RNF150: variants seen among roughly 807,000 people sequenced by gnomAD.
RNF150 encodes the protein ring finger protein 150.
A neutral mutation model predicts 39.3 loss-of-function variants in RNF150; 24 were observed. The observed-to-expected ratio is 0.61, with a 90% CI of 0.44 to 0.86. The LOEUF (loss-of-function observed/expected upper bound fraction) is 0.86, where lower values mean the gene tolerates loss of function less well. Among genes scored for constraint, RNF150 ranks in the 40% least tolerant of loss-of-function variants. The pLI is 0.00. For synonymous variants in RNF150, 255 were observed against 227.3 expected (o/e 1.12, Z -1.10); for missense variants, 502 against 587.8 (o/e 0.85, Z 1.51).
chr4:141,144,712 T>G lies in RNF150; in HGVS notation c.-6+68082A>C, dbSNP rs371764210. Among the ~76,000 whole-genome samples the G allele has an allele frequency of 1.2e-3, 185 of 152,258 alleles. 1 individual carries two copies. Among genetic ancestry groups the G allele is most frequent in the African/African-American group, 4.1e-3 (171 of 41,560 alleles). ...TCAGAGGAAATGTAGGAAAAAATCCTTACTTTGGAAAATATTTTCTATAGG... is the reference window on the plus strand; with the variant it reads ...TCAGAGGAAATGTAGGAAAAAATCCGTACTTTGGAAAATATTTTCTATAGG... On this transcript the variant is annotated intron_variant, in intron 1 of 7. Coordinates refer to the RNF150 transcript ENST00000420921.
intron 1 of RNF150, among the ~76,000 whole-genome samples, chr4:141,105,517 G>A (rs970187112): frequency 8.5e-5 from 13 of 152,112 alleles, no homozygotes; most frequent in African/African-American, 3.1e-4. Context: ...TCTCCCAAAT[G>A]CTCTCCCCTG....
At chr4:141,090,677 T>C (rs142245778) in intron 1 of RNF150, among the ~76,000 whole-genome samples, 1 of 152,070 alleles carries the variant, frequency 6.6e-6, no homozygotes, top group Non-Finnish European at 1.5e-5. Flanking sequence ...GGCTACAGGG[T>C]CTATAAATGT....
chr4:140,947,105 T>A (rs1341319820), intron 4 of RNF150, among the ~76,000 whole-genome samples: 2 of 151,996 alleles, frequency 1.3e-5, no homozygotes, highest in Admixed American at 1.3e-4. Context: ...TATACATGCC[T>A]GGCATCCTCC....
chr4:141,080,401 G>A (rs965669440), intron 1 of RNF150, among the ~76,000 whole-genome samples: 1 of 152,170 alleles, frequency 6.6e-6, no homozygotes, highest in African/African-American at 2.4e-5. Context: ...TCTAGTCACT[G>A]TGTCTTCCTC....
intron 6 of RNF150, among the ~76,000 whole-genome samples, chr4:140,891,391 C>T (rs1364510437): frequency 6.6e-6 from 1 of 152,130 alleles, no homozygotes; most frequent in African/African-American, 2.4e-5. Context: ...TTTCACGGTG[C>T]TCCATGAAGT....
At chr4:141,075,468 T>G (rs561731432) in intron 1 of RNF150, among the ~76,000 whole-genome samples, 132 of 152,378 alleles carry the variant, frequency 8.7e-4, no homozygotes, top group African/African-American at 2.9e-3. Context: ...TCCATTGTTA[T>G]GTTTACTAAT....
intron 1 of RNF150, among the ~76,000 whole-genome samples, chr4:141,207,613 TC>T (rs11362129): frequency 0.049 from 7,401 of 152,148 alleles, 599 homozygotes; most frequent in African/African-American, 0.17. Flanking sequence ...CTCCACGACA[TC>T]CAATCAGGAA....
At chr4:141,207,187 T>C (rs1464476477) in intron 1 of RNF150, among the ~76,000 whole-genome samples, 1 of 152,164 alleles carries the variant, frequency 6.6e-6, no homozygotes, top group East Asian at 1.9e-4. Context: ...ACCAGTTATC[T>C]AGGCATCCTT....
At chr4:141,032,399 T>C (rs946675361) in intron 1 of RNF150, among the ~76,000 whole-genome samples, 3 of 152,106 alleles carry the variant, frequency 2.0e-5, no homozygotes, top group African/African-American at 7.2e-5. Context: ...CTGTATTGTG[T>C]ACTTGAAATC....
At chr4:140,906,001 C>T (rs2059497) in intron 6 of RNF150, among the ~76,000 whole-genome samples, 95,721 of 151,928 alleles carry the variant, frequency 0.63, 32,274 homozygotes, top group Non-Finnish European at 0.76. Context: ...TAAGCAAGAG[C>T]GACCCATCTG....
At chr4:140,903,346 T>C (rs2278138) in intron 6 of RNF150, among the ~76,000 whole-genome samples, 60,828 of 152,068 alleles carry the variant, frequency 0.4, 13,684 homozygotes, top group African/African-American at 0.6. Context: ...CCTCAGACTC[T>C]GAATTTCCAA....
At chr4:140,925,627 G>A (rs10004141) in intron 5 of RNF150, among the ~76,000 whole-genome samples, 83,807 of 151,970 alleles carry the variant, frequency 0.55, 23,602 homozygotes, top group East Asian at 0.89. Context: ...AAACAAGGGT[G>A]ATGATGATGC....
rs1727918510 is a variant in RNF150 at position 141,182,145 on chromosome 4, A to C, written c.-6+30649T>G. Among the ~76,000 whole-genome samples the C allele has an allele frequency of 7.4e-5, 11 of 148,038 alleles. No homozygotes were observed. The Admixed American group carries it at 7.6e-4, about 10-fold the overall frequency. ...AATTCAACAACCCTTCATGCTAAAAACTCTCAATAAATTAGATATTGATGG... is the reference window on the plus strand; with the variant it reads ...AATTCAACAACCCTTCATGCTAAAACCTCTCAATAAATTAGATATTGATGG... On this transcript the variant is annotated intron_variant, in intron 1 of 7. Transcript: ENST00000420921.
chr4:141,000,082 AGAAGGAG>A (rs1734600655), intron 1 of RNF150, among the ~76,000 whole-genome samples: 1 of 73,668 alleles, frequency 1.4e-5, no homozygotes. Context: ...AAGAAGAAGA[AGAAGGAG>A]AAGAAGAAGA....
intron 1 of RNF150, among the ~76,000 whole-genome samples, chr4:141,203,167 T>C (rs1166122161): frequency 2.1e-5 from 2 of 97,520 alleles, no homozygotes; most frequent in Non-Finnish European, 4.0e-5. Context: ...CTTGGAGATA[T>C]ATAATCTTGG....
intron 1 of RNF150, among the ~76,000 whole-genome samples, chr4:141,076,942 A>G (rs988852059): frequency 2.0e-4 from 31 of 152,242 alleles, no homozygotes; most frequent in Middle Eastern, 3.4e-3. Context: ...GGCACTTGAT[A>G]TCAATGGAAT....
At chr4:141,045,292 A>C (rs890316380) in intron 1 of RNF150, among the ~76,000 whole-genome samples, 18 of 152,356 alleles carry the variant, frequency 1.2e-4, no homozygotes, top group African/African-American at 4.3e-4. Flanking sequence ...GTTTCTGAGA[A>C]GTTTGATAAG....
In RNF150 at chr4:141,010,407, A is replaced by C. The variant is rs1735032071; in HGVS notation, c.485-42534T>G. 2.0e-5 allele frequency among the ~76,000 whole-genome samples: 3 copies of C among 152,262 alleles called. No homozygotes were observed. In the South Asian group the frequency reaches 6.2e-4, roughly 32 times the overall value. Reference sequence around the variant, plus strand: ...TTGAAACTAAAGACCAACTTATGCCAAAGGTTTTATTTATTTTGCAGTGGG... The same window carrying C: ...TTGAAACTAAAGACCAACTTATGCCCAAGGTTTTATTTATTTTGCAGTGGG... On this transcript the variant is annotated intron_variant, in intron 1 of 6. Transcript: ENST00000515673.
At chr4:141,068,158 T>G (rs1737537493) in intron 1 of RNF150, among the ~76,000 whole-genome samples, 1 of 152,154 alleles carries the variant, frequency 6.6e-6, no homozygotes, top group African/African-American at 2.4e-5. Context: ...TGGGACAGGC[T>G]GCTCTTGAAC....
Sources: gnomAD v4.1 joint callset for allele counts (sites outside exome capture counted in the v4.1 genomes callset) on GRCh38, gnomAD v4.1.1 for gene constraint, MANE v1.5 for transcripts, NCBI Gene and HGNC (gene_info 2026-07-23, HGNC 2026-07-21) for gene names.